Variants in ZNF66 observed in about 807,000 individuals in gnomAD.
ZNF66 encodes zinc finger protein 66.
ZNF66 carries 32 observed loss-of-function variants against 35.2 expected under a neutral mutation model. The ratio of observed to expected loss-of-function variants is 0.91; its 90% confidence interval spans 0.69 to 1.22. The LOEUF is 1.22. ZNF66 is among the 50% of genes most tolerant of loss of function. The pLI is 0.00. For missense variants in ZNF66, 666 were observed against 543.1 expected, an observed-to-expected ratio of 1.23 and a Z score of -2.25; for synonymous variants, 231 against 181.3, an observed-to-expected ratio of 1.27 and a Z score of -2.20.
chr19:20,797,286 G>A lies in ZNF66; in HGVS notation c.226+3408G>A, dbSNP rs1036470089. ...AGTGGCGCAATCTCGGCTCACTGCA[G>A]GCTCCGCCCCCTGGGGTTCACGCCA... On this transcript the variant is annotated intron_variant, in intron 3 of 3. Transcript: ENST00000344519. 1.9e-5 allele frequency among the ~76,000 whole-genome samples: 2 copies of A among 104,888 alleles called. 1 individual carries two copies. Among genetic ancestry groups the A allele is most frequent in the African/African-American group, 7.3e-5 (2 of 27,548 alleles). 68.8% of individuals were successfully genotyped at this position (104,888 alleles called of 152,430 possible). A position where few individuals can be genotyped will look rare whatever the true frequency, so the allele number is the denominator to read the frequency against.
intron 1 of ZNF66, among the ~76,000 whole-genome samples, chr19:20,783,620 A>G (rs1843776831): frequency 6.6e-6 from 1 of 152,240 alleles, no homozygotes. Flanking sequence ...TAAATTTAGC[A>G]ATACAGAATG....
chr19:20,778,724 A>G (rs1971218032), intron 1 of ZNF66, among the ~76,000 whole-genome samples: 3 of 151,164 alleles, frequency 2.0e-5, no homozygotes, highest in South Asian at 2.1e-4. Flanking sequence ...TGGAGGTTGC[A>G]GTGAGCCGAG....
intron 1 of ZNF66, among the ~76,000 whole-genome samples, chr19:20,780,126 A>G (rs889137549): frequency 3.3e-5 from 5 of 152,002 alleles, no homozygotes; most frequent in African/African-American, 9.7e-5. Context: ...ACTGAAGACA[A>G]ATTCAGCTGT....
Position 20,792,501 on chromosome 19 carries a change from A to G in ZNF66, c.4-11A>G, listed in dbSNP as rs761416023. On this transcript the variant is annotated splice_polypyrimidine_tract_variant and intron_variant, in intron 1 of 3. Coordinates refer to ENST00000344519, the MANE Select transcript of ZNF66 (RefSeq NM_001355197.2). ...CCACTTGGTGAAAATGTGTGTGTGT[A>G]TATTTTTCAGGGGCCATTGCAATTT... 8 of 1,507,964 alleles carry G rather than the reference A, an allele frequency of 5.3e-6. No individual in the cohort carries two copies. The East Asian group carries it at 1.6e-4, about 30-fold the overall frequency. 93.4% of individuals were successfully genotyped at this position (1,507,964 alleles called of 1,614,324 possible).
intron 1 of ZNF66, among the ~76,000 whole-genome samples, chr19:20,783,461 ATTATCT>A (rs1296424307): frequency 3.9e-5 from 6 of 152,166 alleles, no homozygotes; most frequent in African/African-American, 1.2e-4. Flanking sequence ...ATGACTCCAG[ATTATCT>A]TTATCTGGTA....
intron 1 of ZNF66, among the ~76,000 whole-genome samples, chr19:20,783,882 ACT>A: frequency 6.6e-6 from 1 of 152,064 alleles, no homozygotes; most frequent in South Asian, 2.1e-4. Context: ...TTTGAGACAG[ACT>A]CTCACTCTGT....
chr19:20,796,514 TAAC>T (rs1971394034), intron 3 of ZNF66, among the ~76,000 whole-genome samples: 1 of 152,204 alleles, frequency 6.6e-6, no homozygotes, highest in Non-Finnish European at 1.5e-5. Flanking sequence ...ATCTAAATAA[TAAC>T]ATAGTTTATT....
rs1465464797 is a variant in ZNF66 at position 20,805,871 on chromosome 19, A to T, written c.271A>T (p.Ile91Leu). Residue 91 changes from isoleucine (I) to leucine (L), a missense_variant, in exon 4 of 4, where the codon ATA becomes TTA. Coordinates refer to ENST00000344519, the MANE Select transcript of ZNF66 (RefSeq NM_001355197.2). ...CCAAGACCTTTGGCCAGAGCAGAGC[A>T]TAAAAGATTCTTTCCAAAAACTGAT... is the stretch of plus-strand genomic sequence containing the variant. ...FNQDLWPEQS[I>L]KDSFQKLILR... The T allele has an allele frequency of 1.5e-6, 1 of 650,918 alleles. No homozygotes were observed. Among genetic ancestry groups the T allele is most frequent in the Non-Finnish European group, 2.8e-6 (1 of 359,042 alleles). 40.3% of individuals were successfully genotyped at this position (650,918 alleles called of 1,614,324 possible).
At chr19:20,784,184 ATACT>A (rs1258775557) in intron 1 of ZNF66, among the ~76,000 whole-genome samples, 4 of 152,214 alleles carry the variant, frequency 2.6e-5, no homozygotes, top group Non-Finnish European at 4.4e-5. Context: ...TAAAGCCACA[ATACT>A]TACTTTGAAT....
At chr19:20,793,326 T>TC (rs1491394314) in intron 2 of ZNF66, among the ~76,000 whole-genome samples, 8 of 77,326 alleles carry the variant, frequency 1.0e-4, no homozygotes, top group African/African-American at 3.8e-4. Context: ...TCTTTTCTTT[T>TC]CTTTTCTTTT....
intron 3 of ZNF66, among the ~76,000 whole-genome samples, chr19:20,795,851 T>C (rs1971387185): frequency 1.3e-5 from 2 of 152,166 alleles, no homozygotes; most frequent in African/African-American, 4.8e-5. Context: ...AGACTCTGAC[T>C]GGGAGGAGTT....
rs553425255 is a variant in ZNF66, at chr19:20,792,883, A to G, written c.130+245A>G. 1.6e-3 allele frequency among the ~76,000 whole-genome samples: 243 copies of G among 152,128 alleles called. 1 individual carries two copies. The highest frequency in any genetic ancestry group is 5.4e-3 in the African/African-American group (223 of 41,518). On this transcript the variant is annotated intron_variant, in intron 2 of 3. Transcript: ENST00000344519. The stretch of plus-strand genomic sequence containing the variant: ...AGGAGTTTGAGACCAGCTGGCCAAA[A>G]TGCTGAAACCCCAACTCTAATAAAA...
chr19:20,786,136 G>T (rs1971285145), intron 1 of ZNF66, among the ~76,000 whole-genome samples: 1 of 152,118 alleles, frequency 6.6e-6, no homozygotes, highest in Admixed American at 6.6e-5. Context: ...AACACATAAG[G>T]TGCCAACCAG....
At chr19:20,785,048 AT>A (rs1265617494) in intron 1 of ZNF66, 2 of 152,174 alleles carry the variant, frequency 1.3e-5, no homozygotes, top group Non-Finnish European at 2.9e-5. Context: ...CCATGTCACC[AT>A]TATAAGTAGA....
chr19:20,780,841 C>T (rs1192506903), intron 1 of ZNF66, among the ~76,000 whole-genome samples: 2 of 152,124 alleles, frequency 1.3e-5, no homozygotes, highest in Non-Finnish European at 2.9e-5. Flanking sequence ...AGGACAGGAG[C>T]TCTGATTACA....
At chr19:20,785,080 T>G (rs911655116) in intron 1 of ZNF66, 2 of 152,182 alleles carry the variant, frequency 1.3e-5, no homozygotes, top group Non-Finnish European at 2.9e-5. Context: ...GAAACACTGC[T>G]CCCAGTTTCA....
At chr19:20,783,471 T>G (rs1469032299) in intron 1 of ZNF66, among the ~76,000 whole-genome samples, 1 of 152,236 alleles carries the variant, frequency 6.6e-6, no homozygotes, top group Non-Finnish European at 1.5e-5. Flanking sequence ...ATTATCTTTA[T>G]CTGGTACTTC....
intron 3 of ZNF66, among the ~76,000 whole-genome samples, chr19:20,805,104 C>A (rs1179364008): frequency 8.6e-6 from 1 of 115,906 alleles, no homozygotes; most frequent in African/African-American, 3.5e-5. Flanking sequence ...TGGCAATTTA[C>A]ATTTGTGTGT....
chr19:20,793,327 CTTTTCTT>C (rs1472898751), intron 2 of ZNF66, among the ~76,000 whole-genome samples: 1 of 74,726 alleles, frequency 1.3e-5, no homozygotes, highest in Non-Finnish European at 2.6e-5. Flanking sequence ...CTTTTCTTTT[CTTTTCTT>C]TTTTTTTTTT....
Sources: gnomAD v4.1 joint callset for allele counts (sites outside exome capture counted in the v4.1 genomes callset) on GRCh38, gnomAD v4.1.1 for gene constraint, MANE v1.5 for transcripts, NCBI Gene and HGNC (gene_info 2026-07-23, HGNC 2026-07-21) for gene names.